Variants in STOM observed in about 807,000 individuals in gnomAD.
STOM encodes the protein erythrocyte band 7 integral membrane protein.
Under a neutral mutation model 30.6 loss-of-function variants are expected in STOM, and 25 were observed. The ratio of observed to expected loss-of-function variants is 0.82; its 90% CI spans 0.60 to 1.14. STOM has a LOEUF of 1.14. Among genes scored for constraint, STOM ranks in the 50% most tolerant of loss-of-function variants. The probability of loss-of-function intolerance (pLI) is 0.00; values close to 1 mark genes in which losing one functional copy is unlikely to be tolerated. For synonymous variants in STOM, 118 were observed against 130.8 expected (o/e 0.90, Z 0.67); for missense variants, 292 against 365.2 (o/e 0.80, Z 1.63).
chr9:121,369,888 T>G, intron 1 of STOM: 1 of 483,044 alleles, frequency 2.1e-6, no homozygotes, highest in Non-Finnish European at 3.8e-6. Flanking sequence ...GGCCGCGAGA[T>G]AACCAGGGCC....
rs1042814749 is a variant in STOM, at chr9:121,347,247, A to G, written c.660+768T>C. On this transcript the variant is annotated intron_variant, in intron 6 of 6. Coordinates refer to ENST00000286713, the MANE Select transcript of STOM (RefSeq NM_004099.6). The stretch of plus-strand genomic sequence containing the variant: ...TTCCCTGAACTGCCTTCTGGTTCCA[A>G]TTTTGGTGAGACTTGCCCCTACTTC... Among the ~76,000 whole-genome samples, 4 of 152,288 alleles carry G rather than the reference A, an allele frequency of 2.6e-5. No homozygotes were observed. The South Asian group carries it at 6.2e-4, about 24-fold the overall frequency.
At chr9:121,363,617 T>C (rs1330478691) in intron 1 of STOM, among the ~76,000 whole-genome samples, 6 of 152,238 alleles carry the variant, frequency 3.9e-5, no homozygotes, top group Admixed American at 3.3e-4. Flanking sequence ...ATAATTTTCA[T>C]GTGTAATGAA....
chr9:121,369,982 T>G, intron 1 of STOM, 145 bp downstream of exon 1: 1 of 733,220 alleles, frequency 1.4e-6, no homozygotes, highest in Non-Finnish European at 2.2e-6. Flanking sequence ...TGATGCTCAG[T>G]TTACTAGGGA....
At chr9:121,368,969 T>C (rs2064533652) in intron 1 of STOM, among the ~76,000 whole-genome samples, 1 of 151,806 alleles carries the variant, frequency 6.6e-6, no homozygotes, top group African/African-American at 2.4e-5. Flanking sequence ...GCCTGACCTA[T>C]TTAGTTTCAA....
intron 1 of STOM, among the ~76,000 whole-genome samples, chr9:121,357,094 T>C (rs901895104): frequency 3.9e-5 from 6 of 152,308 alleles, no homozygotes; most frequent in African/African-American, 1.2e-4. Context: ...TAAAGTTGTT[T>C]AGAGCCTCTT....
intron 5 of STOM, among the ~76,000 whole-genome samples, 171 bp downstream of exon 5, chr9:121,348,949 G>A (rs2064313949): frequency 3.3e-5 from 5 of 152,092 alleles, no homozygotes. Flanking sequence ...CTCATGAACT[G>A]CTAATGTGAA....
rs1484909213 is a variant in STOM, at chr9:121,349,188, T to C, written c.457A>G (p.Asn153Asp). 4.3e-6 allele frequency: 7 copies of C among 1,614,162 alleles called. No homozygotes were observed. The highest frequency in any genetic ancestry group is 5.1e-6 in the Non-Finnish European group (6 of 1,180,038). The change falls in exon 5 of 7, where the codon AAT becomes GAT. Residue 153 changes from asparagine to aspartate, a missense_variant. Physicochemically the swap from Asn to Asp is conservative, Grantham distance 23 (BLOSUM62 1). Transcript: ENST00000286713. ...GAAAGATTCTTGGTGCCCAGAACAT[T>C]CCTCAGAGTAGTTTGTGCCAAAAGA... The part of the protein sequence containing the change: ...TRLLAQTTLR[N>D]VLGTKNLSQI...
rs1427282627 is a variant in STOM, at chr9:121,340,377, T to C, written c.*825A>G. ...AGGCAAGAAAATGGCTACTCTCAAGTAAGGATTATTCTGAAACACGGTCTG... is the reference window on the plus strand; with the variant it reads ...AGGCAAGAAAATGGCTACTCTCAAGCAAGGATTATTCTGAAACACGGTCTG... On this transcript the variant is annotated 3_prime_UTR_variant, in exon 7 of 7. Coordinates refer to ENST00000286713, the MANE Select transcript of STOM (RefSeq NM_004099.6). 13 of 985,252 alleles carry C rather than the reference T, an allele frequency of 1.3e-5. No individual in the cohort carries two copies. Among genetic ancestry groups the C allele is most frequent in the Non-Finnish European group, 1.6e-5 (13 of 829,908 alleles). 61.0% of individuals were successfully genotyped at this position (985,252 alleles called of 1,614,324 possible). A position where few individuals can be genotyped will look rare whatever the true frequency, so the allele number is the denominator to read the frequency against.
At chr9:121,365,722 G>C (rs1297824672) in intron 1 of STOM, among the ~76,000 whole-genome samples, 1 of 152,046 alleles carries the variant, frequency 6.6e-6, no homozygotes, top group African/African-American at 2.4e-5. Flanking sequence ...TCAGTAAAAT[G>C]GGGAAAAGAA....
At chr9:121,354,502 G>T in intron 3 of STOM, 99 bp downstream of exon 3, 1 of 930,192 alleles carries the variant, frequency 1.1e-6, no homozygotes, top group South Asian at 1.6e-5. Flanking sequence ...CCTGGGCGAC[G>T]GAATGAAACC....
At chr9:121,353,364 C>T in intron 3 of STOM, 62 bp from the exon 4 acceptor site, 1 of 1,165,502 alleles carries the variant, frequency 8.6e-7, no homozygotes, top group Non-Finnish European at 1.2e-6. Flanking sequence ...CTTCTCCATT[C>T]AGTTTTAAGA....
intron 6 of STOM, 33 bp downstream of exon 6, chr9:121,347,982 C>A: frequency 6.3e-7 from 1 of 1,576,840 alleles, no homozygotes; most frequent in Non-Finnish European, 8.6e-7. Context: ...AGAGAAAACT[C>A]AGTAAGAAAA....
chr9:121,352,252 A>T (rs2064346039), intron 4 of STOM, among the ~76,000 whole-genome samples: 1 of 152,250 alleles, frequency 6.6e-6, no homozygotes, highest in African/African-American at 2.4e-5. Flanking sequence ...CAATGTAAAT[A>T]CTACATAAAT....
chr9:121,355,982 A>T, intron 2 of STOM, 71 bp downstream of exon 2: 1 of 1,097,622 alleles, frequency 9.1e-7, no homozygotes, highest in South Asian at 1.4e-5. Flanking sequence ...ACATACACAC[A>T]GGCACACACG....
At chr9:121,346,138 TACC>T (rs1250802309) in intron 6 of STOM, among the ~76,000 whole-genome samples, 1 of 152,064 alleles carries the variant, frequency 6.6e-6, no homozygotes, top group East Asian at 1.9e-4. Flanking sequence ...TACAGGCGCC[TACC>T]ACCACACCAG....
intron 1 of STOM, among the ~76,000 whole-genome samples, chr9:121,358,269 C>T (rs972447131): frequency 1.3e-5 from 2 of 152,056 alleles, no homozygotes; most frequent in African/African-American, 2.4e-5. Context: ...CCAGCATGGG[C>T]AACCTAGTGA....
At chr9:121,347,963 A>G in intron 6 of STOM, 52 bp downstream of exon 6, 1 of 1,543,430 alleles carries the variant, frequency 6.5e-7, no homozygotes, top group Non-Finnish European at 8.7e-7. Context: ...TTTTATAATT[A>G]TTAATAAAAG....
In STOM at chr9:121,339,369, G is replaced by C; in HGVS notation, c.*1833C>G. 2.6e-6 allele frequency: 1 copy of C among 385,066 alleles called. No homozygotes were observed. The highest frequency in any genetic ancestry group is 1.3e-4 in the South Asian group (1 of 7,704). 23.9% of individuals were successfully genotyped at this position (385,066 alleles called of 1,614,324 possible). On this transcript the variant is annotated 3_prime_UTR_variant, in exon 7 of 7. Transcript: ENST00000286713. The stretch of plus-strand genomic sequence containing the variant: ...CAAGGGTGAACCACTTCACACAACA[G>C]ATAAAACCATCATTTTAAAATTCAA...
chr9:121,367,301 CT>C (rs201750699), intron 1 of STOM, among the ~76,000 whole-genome samples: 1 of 152,074 alleles, frequency 6.6e-6, no homozygotes, highest in Non-Finnish European at 1.5e-5. Context: ...TTATCAACAT[CT>C]TTTTTTTCCC....
Sources: allele counts gnomAD v4.1 joint callset (sites outside exome capture counted in the v4.1 genomes callset), GRCh38; gene constraint gnomAD v4.1.1; transcripts MANE v1.5; gene names NCBI Gene and HGNC (gene_info 2026-07-23, HGNC 2026-07-21).